The following RABGAP1L variants were observed in gnomAD, a reference collection of about 807,000 sequenced individuals.
RABGAP1L encodes the protein RAB GTPase activating protein 1 like.
Under a neutral mutation model 137.7 loss-of-function variants are expected in RABGAP1L, and 63 were observed. The ratio of observed to expected loss-of-function variants is 0.46; its 90% CI spans 0.37 to 0.56. The LOEUF (loss-of-function observed/expected upper bound fraction) is 0.56. RABGAP1L is among the 20% of genes least tolerant of loss of function. The pLI, the probability that RABGAP1L is intolerant of heterozygous loss-of-function variation, is 0.00. For synonymous variants in RABGAP1L, 431 were observed against 433.7 expected (o/e 0.99, Z 0.08); for missense variants, 1,095 against 1,244.0 (o/e 0.88, Z 1.80).
intron 12 of RABGAP1L, among the ~76,000 whole-genome samples, chr1:174,377,603 A>T (rs750264645): frequency 5.3e-5 from 8 of 152,164 alleles, no homozygotes; most frequent in Non-Finnish European, 1.0e-4. Context: ...ACATAAAAAG[A>T]TGCTCAATAT....
intron 19 of RABGAP1L, among the ~76,000 whole-genome samples, chr1:174,934,771 C>A (rs66836419): frequency 0.21 from 32,202 of 152,044 alleles, 3,650 homozygotes; most frequent in Admixed American, 0.25. Context: ...AGCCTAGGCA[C>A]CAGAGTGATA....
chr1:174,676,730 G>A (rs1402397921), intron 14 of RABGAP1L, among the ~76,000 whole-genome samples: 4 of 152,148 alleles, frequency 2.6e-5, no homozygotes, highest in African/African-American at 9.7e-5. Flanking sequence ...GTTAGCTTCA[G>A]CCATCATATG....
chr1:174,350,316 G>A (rs1683020970), intron 11 of RABGAP1L, among the ~76,000 whole-genome samples: 1 of 92,996 alleles, frequency 1.1e-5, no homozygotes, highest in African/African-American at 4.3e-5. Flanking sequence ...CGGGCGGAGG[G>A]GCTCCTCACT....
chr1:174,778,171 A>G (rs1442598236), intron 18 of RABGAP1L, among the ~76,000 whole-genome samples: 1 of 152,220 alleles, frequency 6.6e-6, no homozygotes, highest in African/African-American at 2.4e-5. Context: ...ATCCAAAGGA[A>G]AAAAGATAAT....
intron 13 of RABGAP1L, among the ~76,000 whole-genome samples, chr1:174,447,805 A>G (rs1220995591): frequency 6.6e-6 from 1 of 152,034 alleles, no homozygotes; most frequent in Non-Finnish European, 1.5e-5. Context: ...GTCTGCAAAA[A>G]GTTCTTTGAG....
At chr1:174,268,648 A>C (rs1268433356) in intron 7 of RABGAP1L, among the ~76,000 whole-genome samples, 1 of 152,174 alleles carries the variant, frequency 6.6e-6, no homozygotes, top group East Asian at 1.9e-4. Context: ...AAGTTTTTAA[A>C]AAATTAGTTT....
intron 10 of RABGAP1L, among the ~76,000 whole-genome samples, chr1:174,287,037 T>C (rs1676121095): frequency 6.6e-6 from 1 of 152,128 alleles, no homozygotes; most frequent in Admixed American, 6.6e-5. Context: ...TTTATATGTC[T>C]ATTAGGTCCA....
intron 13 of RABGAP1L, among the ~76,000 whole-genome samples, chr1:174,468,071 A>T (rs891535690): frequency 1.3e-5 from 2 of 152,160 alleles, no homozygotes; most frequent in Non-Finnish European, 2.9e-5. Context: ...GGATTATATT[A>T]TAAAGAATTA....
At chr1:174,925,922 T>C (rs1662763353) in intron 19 of RABGAP1L, among the ~76,000 whole-genome samples, 1 of 139,418 alleles carries the variant, frequency 7.2e-6, no homozygotes. Flanking sequence ...CAGGCTGCAG[T>C]GGTGTGATCT....
At chr1:174,514,306 T>G (rs1318633636) in intron 13 of RABGAP1L, among the ~76,000 whole-genome samples, 2 of 151,242 alleles carry the variant, frequency 1.3e-5, no homozygotes, top group Non-Finnish European at 2.9e-5. Context: ...GGATTCGTTT[T>G]CCACCTTTAA....
intron 13 of RABGAP1L, among the ~76,000 whole-genome samples, chr1:174,531,117 G>T (rs186044423): frequency 1.1e-4 from 17 of 152,198 alleles, no homozygotes; most frequent in Non-Finnish European, 2.4e-4. Context: ...TATAGTAGAC[G>T]CTTTCATTTA....
At chr1:174,470,357 C>T (rs1286186812) in intron 13 of RABGAP1L, among the ~76,000 whole-genome samples, 1 of 152,106 alleles carries the variant, frequency 6.6e-6, no homozygotes, top group East Asian at 1.9e-4. Flanking sequence ...GGTAATGCTA[C>T]CTTTTGTATA....
At chr1:174,257,273 C>T (rs1036937241) in intron 7 of RABGAP1L, among the ~76,000 whole-genome samples, 2 of 152,016 alleles carry the variant, frequency 1.3e-5, no homozygotes, top group Non-Finnish European at 2.9e-5. Context: ...TTTGAATAAG[C>T]GTTATTTTAA....
intron 13 of RABGAP1L, among the ~76,000 whole-genome samples, chr1:174,420,568 A>G (rs1651139718): frequency 6.6e-6 from 1 of 152,106 alleles, no homozygotes; most frequent in Admixed American, 6.5e-5. Context: ...CTCTAGTATT[A>G]TTCTAAATTA....
chr1:174,576,253 C>T (rs1189480780), intron 13 of RABGAP1L, among the ~76,000 whole-genome samples: 1 of 152,168 alleles, frequency 6.6e-6, no homozygotes, highest in Non-Finnish European at 1.5e-5. Context: ...AGAGCCATGG[C>T]AAGATGAGGG....
chr1:174,518,439 A>G (rs978562575), intron 13 of RABGAP1L, among the ~76,000 whole-genome samples: 14 of 152,144 alleles, frequency 9.2e-5, no homozygotes, highest in African/African-American at 3.1e-4. Context: ...TACCTAATAC[A>G]TTGTAAATGC....
chr1:174,622,431 A>G (rs185696712), intron 13 of RABGAP1L, among the ~76,000 whole-genome samples: 16 of 152,362 alleles, frequency 1.1e-4, no homozygotes, highest in African/African-American at 3.6e-4. Context: ...ACTATTCACA[A>G]TAGCAAAGAC....
chr1:174,373,047 GA>G (rs1685232871), intron 12 of RABGAP1L, among the ~76,000 whole-genome samples: 1 of 152,150 alleles, frequency 6.6e-6, no homozygotes, highest in Non-Finnish European at 1.5e-5. Flanking sequence ...ATTATATCCA[GA>G]ATCTAACTTA....
chr1:174,908,877 A>G (rs1440289869), intron 19 of RABGAP1L, among the ~76,000 whole-genome samples: 1 of 150,408 alleles, frequency 6.6e-6, no homozygotes, highest in Non-Finnish European at 1.5e-5. Flanking sequence ...TGGGTCAATG[A>G]AAGTACTAAA....
Sources: gnomAD v4.1 joint callset for allele counts (sites outside exome capture counted in the v4.1 genomes callset) on GRCh38, gnomAD v4.1.1 for gene constraint, MANE v1.5 for transcripts, NCBI Gene and HGNC (gene_info 2026-07-23, HGNC 2026-07-21) for gene names.